SSU72: variants seen among roughly 807,000 people sequenced by gnomAD.
The protein encoded by SSU72 is SSU72 homolog, RNA polymerase II CTD phosphatase.
In SSU72, 12 loss-of-function variants were observed where a neutral mutation model predicts 22.7. That is an observed-to-expected ratio of 0.53 (90% CI 0.34 to 0.86). The LOEUF is 0.86. SSU72 is among the 40% of genes least tolerant of loss of function. SSU72 has a pLI of 0.02. For missense variants in SSU72, 151 were observed against 249.8 expected, an observed-to-expected ratio of 0.60 and a Z score of 2.67; for synonymous variants, 116 against 98.3, an observed-to-expected ratio of 1.18 and a Z score of -1.06.
Position 1,557,867 on chromosome 1 carries a change from G to A in SSU72, c.224+6906C>T, listed in dbSNP as rs144439401. Among the ~76,000 whole-genome samples, 327 of 152,246 alleles carry A rather than the reference G, an allele frequency of 2.1e-3. 2 individuals are homozygous for A. The highest frequency in any genetic ancestry group is 7.5e-3 in the African/African-American group (312 of 41,546). On this transcript the variant is annotated intron_variant, in intron 2 of 4. Coordinates refer to ENST00000291386, the MANE Select transcript of SSU72 (RefSeq NM_014188.3). ...CACAGGGAAGTGGCCACACACAGAA[G>A]TTAACCTAAAAGACAATGAATTCAG...
chr1:1,554,618 C>T lies in SSU72; in HGVS notation c.225-9616G>A, dbSNP rs1419697315. Among the ~76,000 whole-genome samples, 4 of 152,136 alleles carry T rather than the reference C, an allele frequency of 2.6e-5. No individual in the cohort carries two copies. The highest frequency in any genetic ancestry group is 2.4e-5 in the African/African-American group (1 of 41,424). On this transcript the variant is annotated intron_variant, in intron 2 of 4. Transcript: ENST00000291386. The surrounding 1 kb of genome is among the most constrained non-coding windows in gnomAD (Gnocchi z 4.1). ...CGCAGCTGCCCATCCCACAGGAGAA[C>T]CGAGAGGCCAGGACCACACTACCCT...
chr1:1,565,803 G>C (rs1468363456), intron 1 of SSU72, among the ~76,000 whole-genome samples: 1 of 152,250 alleles, frequency 6.6e-6, no homozygotes, highest in South Asian at 2.1e-4. Context: ...GAAAAGAGCT[G>C]AACAGGAAAC....
At chr1:1,547,472 C>T (rs998212831) in intron 2 of SSU72, among the ~76,000 whole-genome samples, 1 of 152,236 alleles carries the variant, frequency 6.6e-6, no homozygotes, top group African/African-American at 2.4e-5. Flanking sequence ...TTCTGGATCT[C>T]CTGGCGAGGA....
intron 2 of SSU72, chr1:1,564,533 C>A (rs182959250): frequency 6.5e-7 from 1 of 1,546,116 alleles, no homozygotes; most frequent in South Asian, 1.2e-5. Flanking sequence ...TGCTGAACCA[C>A]GTCAGGGTGA....
At chr1:1,544,019 G>A in intron 3 of SSU72, 32 bp from the exon 4 acceptor site, 1 of 1,563,772 alleles carries the variant, frequency 6.4e-7, no homozygotes, top group Non-Finnish European at 8.8e-7. Context: ...AGACGTCAGA[G>A]GCTCCAAAAC....
intron 1 of SSU72, among the ~76,000 whole-genome samples, chr1:1,569,291 G>C (rs80216842): frequency 0.069 from 10,560 of 152,220 alleles, 534 homozygotes; most frequent in Admixed American, 0.17. Flanking sequence ...CCAAGCGCAG[G>C]AGGCTCTGTG....
intron 2 of SSU72, 92 bp downstream of exon 2, chr1:1,564,681 C>T (rs1642637622): frequency 2.5e-6 from 4 of 1,614,082 alleles, no homozygotes; most frequent in Non-Finnish European, 3.4e-6. Context: ...GTGCACTGCA[C>T]AGGGTGACAC....
Position 1,542,258 on chromosome 1 carries a change from A to G in SSU72, c.484-91T>C, listed in dbSNP as rs1158579436. ...GATCGCCAGGGAAACGCCAGGCCTG[A>G]GCCAGCAGAAACCAGCGCAGCAGGC... On this transcript the variant is annotated intron_variant, in intron 4 of 4. Transcript: ENST00000291386. The surrounding 1 kb of genome is among the most constrained non-coding windows in gnomAD (Gnocchi z 4.4). 2 of 1,274,310 alleles carry G rather than the reference A, an allele frequency of 1.6e-6. No homozygotes were observed. Among genetic ancestry groups the G allele is most frequent in the Non-Finnish European group, 2.2e-6 (2 of 903,988 alleles). 78.9% of individuals were successfully genotyped at this position (1,274,310 alleles called of 1,614,324 possible).
At chr1:1,547,897 G>GGACCCA (rs1642411274) in intron 2 of SSU72, among the ~76,000 whole-genome samples, 2 of 152,220 alleles carry the variant, frequency 1.3e-5, no homozygotes. Flanking sequence ...CGCCGCCCAG[G>GGACCCA]TCCTGCAGAA....
At chr1:1,558,204 T>TTAAAAA (rs1553131621) in intron 2 of SSU72, among the ~76,000 whole-genome samples, 3 of 126,222 alleles carry the variant, frequency 2.4e-5, no homozygotes, top group South Asian at 5.2e-4. Context: ...CTGTCTCAAT[T>TTAAAAA]AAAAAAAAAA....
chr1:1,559,532 T>A (rs553668437), intron 2 of SSU72, among the ~76,000 whole-genome samples: 1 of 152,298 alleles, frequency 6.6e-6, no homozygotes, highest in East Asian at 1.9e-4. Context: ...CCCATTTGTC[T>A]ACAAAGGTCA....
Position 1,542,552 on chromosome 1 carries a change from G to A in SSU72, c.484-385C>T, listed in dbSNP as rs1377298835. 1.3e-5 allele frequency among the ~76,000 whole-genome samples: 2 copies of A among 152,098 alleles called. No individual in the cohort carries two copies. The highest frequency in any genetic ancestry group is 1.3e-4 in the Admixed American group (2 of 15,270). On this transcript the variant is annotated intron_variant, in intron 4 of 4. Transcript: ENST00000291386. This position sits in a 1 kb window ranked among gnomAD's most constrained non-coding sequence, Gnocchi z 4.4. ...AGCGAGCGGGGGCAGCCTGGTCATCGGAGCATCCTGGCCTCCATCCACCAG... is the reference window on the plus strand; with the variant it reads ...AGCGAGCGGGGGCAGCCTGGTCATCAGAGCATCCTGGCCTCCATCCACCAG...
intron 2 of SSU72, among the ~76,000 whole-genome samples, chr1:1,555,425 A>G (rs1351570437): frequency 6.6e-6 from 1 of 152,102 alleles, no homozygotes; most frequent in Non-Finnish European, 1.5e-5. Flanking sequence ...GGGCAGTGGC[A>G]CCTCGGCCAA....
chr1:1,572,255 G>A (rs1228728383), intron 1 of SSU72, among the ~76,000 whole-genome samples: 5 of 141,370 alleles, frequency 3.5e-5, no homozygotes, highest in East Asian at 2.5e-4. Flanking sequence ...GTGAAACCCC[G>A]TCTCTACTAA....
At chr1:1,548,496 C>A (rs1039404982) in intron 2 of SSU72, among the ~76,000 whole-genome samples, 6 of 149,476 alleles carry the variant, frequency 4.0e-5, no homozygotes, top group African/African-American at 1.2e-4. Flanking sequence ...GGAGGCTGCA[C>A]TGAGCTGAGA....
rs573563171 is a variant in SSU72 at position 1,568,529 on chromosome 1, G to A, written c.81-3613C>T. 5.3e-5 allele frequency among the ~76,000 whole-genome samples: 8 copies of A among 150,946 alleles called. No individual in the cohort carries two copies. The South Asian group carries it at 1.7e-3, about 32-fold the overall frequency. ...TGAGGCTGGAGAATCGCTTGAACCC[G>A]GGAGGTGGAGGTCGCAGTGGGCCCC... On this transcript the variant is annotated intron_variant, in intron 1 of 4. Transcript: ENST00000291386.
intron 1 of SSU72, 86 bp downstream of exon 1, chr1:1,574,392 T>A: frequency 1.4e-6 from 2 of 1,418,772 alleles, no homozygotes; most frequent in Middle Eastern, 1.8e-4. Flanking sequence ...CTCTCAGGGG[T>A]CCTGGCGCGG....
Position 1,567,912 on chromosome 1 carries a change from C to CAA in SSU72, c.81-2998_81-2997dup, listed in dbSNP as rs71574349. ...TGGGAAACAGAGCGATACTCTGTTT[C>CAA]AAAAAAAAAAAAAAAAATCGCACAA... On this transcript the variant is annotated intron_variant, in intron 1 of 4. Transcript: ENST00000291386. Among the ~76,000 whole-genome samples, 116 of 98,354 alleles carry CAA rather than the reference C, an allele frequency of 1.2e-3. 4 individuals carry two copies. Among genetic ancestry groups the CAA allele is most frequent in the African/African-American group, 4.5e-3 (108 of 23,870 alleles). 64.5% of individuals were successfully genotyped at this position (98,354 alleles called of 152,430 possible). A position where few individuals can be genotyped will look rare whatever the true frequency, so the allele number is the denominator to read the frequency against.
intron 1 of SSU72, among the ~76,000 whole-genome samples, chr1:1,574,221 C>G (rs1642777242): frequency 6.6e-6 from 1 of 151,924 alleles, no homozygotes; most frequent in African/African-American, 2.4e-5. Flanking sequence ...ACCCTCGCCC[C>G]CCGGGCCCGG....
Sources: allele counts gnomAD v4.1 joint callset (sites outside exome capture counted in the v4.1 genomes callset), GRCh38; gene constraint gnomAD v4.1.1; non-coding constraint Gnocchi (gnomAD v3.1); transcripts MANE v1.5; gene names NCBI Gene and HGNC (gene_info 2026-07-23, HGNC 2026-07-21).